The following CD226 variants were observed in gnomAD, a reference collection of about 807,000 sequenced individuals.
CD226 encodes the protein CD226 antigen.
In CD226, 24 loss-of-function variants were observed where a neutral mutation model predicts 34.9. That is an observed-to-expected ratio of 0.69 (90% CI 0.50 to 0.97). The LOEUF (loss-of-function observed/expected upper bound fraction) is 0.97. CD226 is among the 50% of genes least tolerant of loss of function. The pLI is 0.00. For synonymous variants in CD226, 148 were observed against 147.4 expected (o/e 1.00, Z -0.03); for missense variants, 397 against 412.7 (o/e 0.96, Z 0.33).
At chr18:69,918,054 C>T (rs1322543057) in intron 2 of CD226, among the ~76,000 whole-genome samples, 1 of 152,146 alleles carries the variant, frequency 6.6e-6, no homozygotes, top group African/African-American at 2.4e-5. Flanking sequence ...AAGGGCACAG[C>T]CAATTTAGTC....
chr18:69,917,816 G>C (rs931322696), intron 2 of CD226, among the ~76,000 whole-genome samples: 3 of 152,202 alleles, frequency 2.0e-5, no homozygotes, highest in African/African-American at 7.2e-5. Context: ...TGAGTCTCCT[G>C]TCTAATACTT....
chr18:69,958,076 C>G (rs2055911047), upstream of CD226, among the ~76,000 whole-genome samples: 4 of 152,196 alleles, frequency 2.6e-5, no homozygotes, highest in Admixed American at 2.6e-4. Flanking sequence ...GGTCTCAGCT[C>G]CAATGTATCT....
At chr18:69,878,220 T>G (rs1166405529) in intron 3 of CD226, among the ~76,000 whole-genome samples, 3 of 152,210 alleles carry the variant, frequency 2.0e-5, no homozygotes, top group Non-Finnish European at 4.4e-5. Context: ...TTTGCTAACT[T>G]TTTTCACTTA....
upstream of CD226, among the ~76,000 whole-genome samples, chr18:69,959,948 T>C (rs1403862497): frequency 2.0e-5 from 3 of 152,010 alleles, no homozygotes; most frequent in African/African-American, 7.2e-5. Flanking sequence ...CAGCAGTGCA[T>C]AGAAAATGCA....
At chr18:69,894,930 CA>C (rs927836524) in intron 3 of CD226, among the ~76,000 whole-genome samples, 9 of 151,172 alleles carry the variant, frequency 6.0e-5, no homozygotes, top group African/African-American at 1.7e-4. Flanking sequence ...TTCATTGTGA[CA>C]AAAAAAAGAC....
rs1191277411 is a variant in CD226 at position 69,857,551 on chromosome 18, A to T, written c.*6763T>A. ...ACATGATTGAATAAGGATATATCTT[A>T]AGAATGCATTTTCATAAAAACATAA... On this transcript the variant is annotated 3_prime_UTR_variant, in exon 6 of 6. Transcript: ENST00000582621. 1 of 152,256 alleles carries T rather than the reference A, an allele frequency of 6.6e-6. No individual in the cohort carries two copies. The highest frequency in any genetic ancestry group is 2.4e-5 in the African/African-American group (1 of 41,466). The allele number at this position is 152,256 out of a possible 1,614,324, so 9.4% of individuals were successfully genotyped here. A position where few individuals can be genotyped will look rare whatever the true frequency, so the allele number is the denominator to read the frequency against.
rs1982600129 is a variant in CD226 at position 69,856,018 on chromosome 18, G to A, written c.*8296C>T. On this transcript the variant is annotated 3_prime_UTR_variant, in exon 6 of 6. Coordinates refer to ENST00000582621, the MANE Select transcript of CD226 (RefSeq NM_001303618.2). ...TCTACAACATTTTTAAGTAAGAAAA[G>A]TGGGGAAATTACAAATAGACGCAAC... is the stretch of plus-strand genomic sequence containing the variant. 1.3e-5 allele frequency: 2 copies of A among 152,098 alleles called. No individual in the cohort carries two copies. The highest frequency in any genetic ancestry group is 4.1e-4 in the South Asian group (2 of 4,830). 9.4% of individuals were successfully genotyped at this position (152,098 alleles called of 1,614,324 possible).
At chr18:69,938,508 G>A (rs781304101) in intron 2 of CD226, among the ~76,000 whole-genome samples, 2 of 152,178 alleles carry the variant, frequency 1.3e-5, no homozygotes, top group Non-Finnish European at 2.9e-5. Flanking sequence ...ATCCTGGTTT[G>A]TTGTTCCATA....
chr18:69,953,494 T>G (rs1331308639), intron 1 of CD226, among the ~76,000 whole-genome samples: 1 of 152,218 alleles, frequency 6.6e-6, no homozygotes, highest in African/African-American at 2.4e-5. Context: ...AAGAATCCAT[T>G]TATATGAAAT....
rs769700135 is a variant in CD226, at chr18:69,864,375, G to T, written c.950C>A (p.Thr317Lys). 3.1e-6 allele frequency: 5 copies of T among 1,613,084 alleles called. No homozygotes were observed. The highest frequency in any genetic ancestry group is 1.7e-5 in the Admixed American group (1 of 60,016). ...ATAGTTGACATAAATATCCTCTCTT[G>T]TATCATCCATGGATTGATTGGTAGG... Reference protein sequence around the residue: ...SQPTNQSMDDTREDIYVNYPT... With the variant: ...SQPTNQSMDDKREDIYVNYPT... Residue 317 changes from threonine (T) to lysine (K), a missense_variant, in exon 6 of 6, where the codon ACA (threonine) becomes AAA (lysine). Coordinates refer to ENST00000582621, the MANE Select transcript of CD226 (RefSeq NM_001303618.2).
intron 3 of CD226, among the ~76,000 whole-genome samples, chr18:69,880,822 T>A (rs1984214075): frequency 6.6e-6 from 1 of 152,044 alleles, no homozygotes; most frequent in Admixed American, 6.5e-5. Flanking sequence ...CAGCTAATTT[T>A]TATATTTTAG....
chr18:69,890,762 T>C (rs1984847508), intron 3 of CD226, among the ~76,000 whole-genome samples: 1 of 152,110 alleles, frequency 6.6e-6, no homozygotes, highest in South Asian at 2.1e-4. Flanking sequence ...CTACCCTGTG[T>C]AGGACACCTT....
intron 2 of CD226, among the ~76,000 whole-genome samples, chr18:69,897,792 A>T (rs528542615): frequency 6.6e-6 from 1 of 152,326 alleles, no homozygotes; most frequent in African/African-American, 2.4e-5. Context: ...TTTGCCATCT[A>T]TTGAACTAGA....
intron 5 of CD226, among the ~76,000 whole-genome samples, chr18:69,865,013 G>A (rs1410529927): frequency 1.3e-5 from 2 of 152,082 alleles, no homozygotes; most frequent in Non-Finnish European, 2.9e-5. Flanking sequence ...GTTTTTTTGA[G>A]TCAGAGTCTC....
chr18:69,906,372 C>T (rs1449207772), intron 2 of CD226, among the ~76,000 whole-genome samples: 3 of 152,162 alleles, frequency 2.0e-5, no homozygotes, highest in Non-Finnish European at 4.4e-5. Flanking sequence ...CAGTGTGATT[C>T]CTATCCAATT....
At chr18:69,913,674 G>T (rs1239335022) in intron 2 of CD226, among the ~76,000 whole-genome samples, 1 of 152,194 alleles carries the variant, frequency 6.6e-6, no homozygotes, top group Non-Finnish European at 1.5e-5. Context: ...GCTTAGAGTA[G>T]TTGGGAAGGA....
intron 2 of CD226, among the ~76,000 whole-genome samples, chr18:69,946,200 A>G (rs2055788950): frequency 1.3e-5 from 2 of 148,520 alleles, no homozygotes; most frequent in African/African-American, 4.9e-5. Flanking sequence ...AAAAAAAAAA[A>G]AAAAAAAAGA....
chr18:69,959,025 C>T (rs1192966781), upstream of CD226, among the ~76,000 whole-genome samples: 1 of 152,116 alleles, frequency 6.6e-6, no homozygotes, highest in Non-Finnish European at 1.5e-5. Context: ...GAACCCAAGA[C>T]TTAGCTTTGA....
intron 2 of CD226, among the ~76,000 whole-genome samples, chr18:69,923,998 C>T (rs554891869): frequency 7.9e-4 from 119 of 150,418 alleles, no homozygotes; most frequent in Middle Eastern, 3.5e-3. Context: ...CCTCAGACTT[C>T]AAAATAAAAA....
Sources: allele counts gnomAD v4.1 joint callset (sites outside exome capture counted in the v4.1 genomes callset), GRCh38; gene constraint gnomAD v4.1.1; transcripts MANE v1.5; gene names NCBI Gene and HGNC (gene_info 2026-07-23, HGNC 2026-07-21).